GRM8: variants seen among roughly 807,000 people sequenced by gnomAD.
GRM8 encodes the protein glutamate metabotropic receptor 8, also known as metabotropic glutamate receptor 8.
A neutral mutation model predicts 87.2 loss-of-function variants in GRM8; 47 were observed. The observed-to-expected ratio is 0.54, with a 90% confidence interval of 0.43 to 0.69. The LOEUF is 0.69. Among genes scored for constraint, GRM8 ranks in the 30% least tolerant of loss-of-function variants. The probability of loss-of-function intolerance (pLI) is 0.00; values close to 1 mark genes in which losing one functional copy is unlikely to be tolerated. For synonymous variants in GRM8, 396 were observed against 404.5 expected, an observed-to-expected ratio of 0.98 and a Z score of 0.25; for missense variants, 1,019 against 1,139.2, an observed-to-expected ratio of 0.89 and a Z score of 1.52.
intron 6 of GRM8, among the ~76,000 whole-genome samples, chr7:126,861,828 A>C (rs1325146545): frequency 1.3e-5 from 2 of 152,006 alleles, no homozygotes; most frequent in African/African-American, 4.8e-5. Context: ...TGTTATATAA[A>C]AAGACTCAAG....
At chr7:127,204,340 C>G (rs1237804232) in intron 2 of GRM8, among the ~76,000 whole-genome samples, 1 of 152,166 alleles carries the variant, frequency 6.6e-6, no homozygotes, top group Non-Finnish European at 1.5e-5. Context: ...GCAATGTGGT[C>G]AGGAAAGCAG....
intron 3 of GRM8, among the ~76,000 whole-genome samples, chr7:127,098,683 T>A (rs1046640775): frequency 6.6e-6 from 1 of 152,194 alleles, no homozygotes; most frequent in Non-Finnish European, 1.5e-5. Context: ...GAATCTGCCA[T>A]CCCAACAACT....
intron 6 of GRM8, among the ~76,000 whole-genome samples, chr7:126,823,584 G>T (rs766258162): frequency 6.6e-6 from 1 of 152,154 alleles, no homozygotes; most frequent in Non-Finnish European, 1.5e-5. Context: ...GTAAATAAAG[G>T]TGAAATTAAC....
chr7:126,586,172 A>T (rs1252151281), intron 8 of GRM8, among the ~76,000 whole-genome samples: 1 of 151,842 alleles, frequency 6.6e-6, no homozygotes, highest in Admixed American at 6.6e-5. Context: ...CTGCTCAACG[A>T]AAAAAAAGTG....
At chr7:127,231,248 GAA>G (rs34629865) in intron 2 of GRM8, among the ~76,000 whole-genome samples, 1 of 147,814 alleles carries the variant, frequency 6.8e-6, no homozygotes, top group Non-Finnish European at 1.5e-5. Context: ...CTTGATGGGG[GAA>G]AAAAAAAAGA....
At chr7:127,167,530 T>A (rs1364583144) in intron 2 of GRM8, among the ~76,000 whole-genome samples, 1 of 152,168 alleles carries the variant, frequency 6.6e-6, no homozygotes, top group Non-Finnish European at 1.5e-5. Context: ...ATGTACTCAC[T>A]TGTGTCTCTG....
intron 7 of GRM8, among the ~76,000 whole-genome samples, chr7:126,729,547 T>C (rs752846091): frequency 6.6e-5 from 10 of 152,200 alleles, no homozygotes; most frequent in Non-Finnish European, 1.3e-4. Flanking sequence ...TCCACTCTTT[T>C]ACCAGTCCAG....
At chr7:126,693,287 A>C (rs76935975) in intron 7 of GRM8, among the ~76,000 whole-genome samples, 18,208 of 152,216 alleles carry the variant, frequency 0.12, 1,488 homozygotes, top group Non-Finnish European at 0.15. Context: ...TTTATTAGAA[A>C]TGCTTTTTTC....
At chr7:126,893,358 G>A (rs369895744) in intron 6 of GRM8, among the ~76,000 whole-genome samples, 2 of 151,898 alleles carry the variant, frequency 1.3e-5, no homozygotes, top group African/African-American at 4.8e-5. Flanking sequence ...AATTAGCATC[G>A]CAGTCAGGAA....
At chr7:126,560,638 A>G (rs971903626) in intron 8 of GRM8, among the ~76,000 whole-genome samples, 2 of 152,196 alleles carry the variant, frequency 1.3e-5, no homozygotes, top group African/African-American at 2.4e-5. Context: ...ATTATTTTCT[A>G]TAACAGATTT....
chr7:126,727,310 T>C (rs1274179673), intron 7 of GRM8, among the ~76,000 whole-genome samples: 1 of 152,068 alleles, frequency 6.6e-6, no homozygotes, highest in Non-Finnish European at 1.5e-5. Flanking sequence ...GACATTCATA[T>C]ATTAATACAT....
chr7:127,007,428 AC>A lies in GRM8; in HGVS notation c.727+99067del, dbSNP rs564699373. On this transcript the variant is annotated intron_variant, in intron 3 of 10. Transcript: ENST00000339582. ...TAATTCTTCCATAAGAAAACATGTT[AC>A]CCCTTAGGGAAAAATCCTTGATTCT... Among the ~76,000 whole-genome samples the A allele has an allele frequency of 4.4e-3, 668 of 151,924 alleles. 5 individuals carry two copies. Among genetic ancestry groups the A allele is most frequent in the African/African-American group, 0.016 (643 of 41,460 alleles).
chr7:126,758,334 T>C (rs2151565662), intron 7 of GRM8, among the ~76,000 whole-genome samples: 1 of 152,330 alleles, frequency 6.6e-6, no homozygotes, highest in South Asian at 2.1e-4. Flanking sequence ...ATTATTATTT[T>C]TTCCATCCAA....
intron 8 of GRM8, among the ~76,000 whole-genome samples, chr7:126,580,491 T>C (rs1281009228): frequency 6.6e-6 from 1 of 152,162 alleles, no homozygotes; most frequent in Non-Finnish European, 1.5e-5. Context: ...CATTCTCGTC[T>C]ACTTAAGATT....
chr7:126,984,419 C>T (rs528918444), intron 3 of GRM8, among the ~76,000 whole-genome samples: 16 of 152,172 alleles, frequency 1.1e-4, no homozygotes, highest in African/African-American at 3.9e-4. Flanking sequence ...ATCAGGGGTT[C>T]ACCTAATTAG....
intron 7 of GRM8, among the ~76,000 whole-genome samples, chr7:126,678,470 T>C (rs1807220034): frequency 6.6e-6 from 1 of 152,186 alleles, no homozygotes. Context: ...AGAAATGTGT[T>C]GATTCTGAAA....
At chr7:126,697,165 T>TA (rs35078727) in intron 7 of GRM8, among the ~76,000 whole-genome samples, 1 of 138,460 alleles carries the variant, frequency 7.2e-6, no homozygotes, top group African/African-American at 2.7e-5. Context: ...TGTGTGGAAT[T>TA]AAAAAAAAAA....
At position 126,865,481 on chromosome 7, in the gene GRM8, A is replaced by G. The variant is rs10236137; in HGVS notation, c.1156+37061T>C. 3.0e-3 allele frequency among the ~76,000 whole-genome samples: 450 copies of G among 152,334 alleles called. 2 individuals carry two copies. The highest frequency in any genetic ancestry group is 0.01 in the African/African-American group (434 of 41,582). ...TGAACAATTCAATGGCTTTTAATAT[A>G]TACATAGCACAGCTCATCTATCAAC... On this transcript the variant is annotated intron_variant, in intron 6 of 10. Coordinates refer to ENST00000339582, the MANE Select transcript of GRM8 (RefSeq NM_000845.3).
chr7:126,973,455 G>C (rs1016668098), intron 3 of GRM8, among the ~76,000 whole-genome samples: 1 of 152,174 alleles, frequency 6.6e-6, no homozygotes, highest in Non-Finnish European at 1.5e-5. Context: ...CCAATAGGTT[G>C]GTTGGGATAA....
Sources: allele counts gnomAD v4.1 joint callset (sites outside exome capture counted in the v4.1 genomes callset), GRCh38; gene constraint gnomAD v4.1.1; transcripts MANE v1.5; gene names NCBI Gene and HGNC (gene_info 2026-07-23, HGNC 2026-07-21).